Variants in INPP4B observed in about 807,000 individuals in gnomAD.
INPP4B encodes the protein inositol polyphosphate 4-phosphatase type II.
Under a neutral mutation model 122.5 loss-of-function variants are expected in INPP4B, and 55 were observed. The ratio of observed to expected loss-of-function variants is 0.45; its 90% CI spans 0.36 to 0.56. The LOEUF (loss-of-function observed/expected upper bound fraction) is 0.56, where lower values mean the gene tolerates loss of function less well. Among genes scored for constraint, INPP4B ranks in the 20% least tolerant of loss-of-function variants. INPP4B has a pLI of 0.00. For synonymous variants in INPP4B, 403 were observed against 388.7 expected (o/e 1.04, Z -0.43); for missense variants, 1,000 against 1,097.7 (o/e 0.91, Z 1.26).
At chr4:142,608,099 G>T (rs575499711) in intron 2 of INPP4B, among the ~76,000 whole-genome samples, 406 of 152,090 alleles carry the variant, frequency 2.7e-3, no homozygotes, top group African/African-American at 9.1e-3. Context: ...TTGGTTTTTT[G>T]TTTTAAATAA....
chr4:142,575,659 G>A (rs1733676791), intron 2 of INPP4B, among the ~76,000 whole-genome samples: 3 of 152,024 alleles, frequency 2.0e-5, no homozygotes, highest in African/African-American at 7.2e-5. Context: ...CTTAGGACAG[G>A]GATGGCATAC....
chr4:142,193,971 C>T (rs2130686), intron 14 of INPP4B, among the ~76,000 whole-genome samples: 151,301 of 152,282 alleles, frequency 0.99, 75,168 homozygotes, highest in Middle Eastern at 1. Flanking sequence ...TGCTTTCTTG[C>T]TAAACTACAT....
chr4:142,545,725 GTATATACACATATATGTGTATA>G (rs1244393839), intron 2 of INPP4B, among the ~76,000 whole-genome samples: 1,695 of 113,844 alleles, frequency 0.015, 65 homozygotes, highest in African/African-American at 0.052. Context: ...GTATATGTGT[GTATATACACATATATGTGTATA>G]TATATACACA....
chr4:142,287,898 A>C (rs1405954577), intron 9 of INPP4B, among the ~76,000 whole-genome samples: 1 of 152,192 alleles, frequency 6.6e-6, no homozygotes, highest in East Asian at 1.9e-4. Context: ...TGGAAGTCTG[A>C]GCTCAGCAGA....
At chr4:142,036,356 A>G (rs1407298547) in intron 25 of INPP4B, among the ~76,000 whole-genome samples, 1 of 152,178 alleles carries the variant, frequency 6.6e-6, no homozygotes. Context: ...CAATCATCAT[A>G]GTATAAATAT....
At chr4:142,241,748 T>C (rs1272717448) in intron 11 of INPP4B, among the ~76,000 whole-genome samples, 3 of 152,150 alleles carry the variant, frequency 2.0e-5, no homozygotes, top group African/African-American at 7.2e-5. Flanking sequence ...TAAACAAAGG[T>C]ATGCTAGGAA....
chr4:142,086,104 T>G (rs2152545110), intron 24 of INPP4B, 40 bp downstream of exon 24: 1 of 1,298,040 alleles, frequency 7.7e-7, no homozygotes, highest in Non-Finnish European at 1.1e-6. Context: ...TTGCTGGTTA[T>G]GACATGGCAG....
At chr4:142,238,177 T>G (rs1037575003) in intron 11 of INPP4B, among the ~76,000 whole-genome samples, 166 bp from the exon 12 acceptor site, 2 of 152,048 alleles carry the variant, frequency 1.3e-5, no homozygotes, top group Non-Finnish European at 2.9e-5. Flanking sequence ...TCTAAGAATT[T>G]TATTTTGATT....
intron 14 of INPP4B, among the ~76,000 whole-genome samples, chr4:142,204,229 C>T (rs1445259250): frequency 2.0e-5 from 3 of 152,024 alleles, no homozygotes; most frequent in African/African-American, 7.2e-5. Context: ...ATCTGAACTC[C>T]AGTTTCAAAT....
chr4:142,804,325 C>T (rs1778401794), intron 1 of INPP4B, among the ~76,000 whole-genome samples: 1 of 152,264 alleles, frequency 6.6e-6, no homozygotes, highest in African/African-American at 2.4e-5. Context: ...TAATCTGGCA[C>T]CTGCTGCGTC....
intron 23 of INPP4B, among the ~76,000 whole-genome samples, chr4:142,102,071 CT>C (rs1216974130): frequency 6.6e-6 from 1 of 151,904 alleles, no homozygotes; most frequent in Non-Finnish European, 1.5e-5. Context: ...CAATGGAGTC[CT>C]TTTACTTTTT....
chr4:142,248,747 C>G (rs2150153446), intron 11 of INPP4B, among the ~76,000 whole-genome samples: 1 of 152,024 alleles, frequency 6.6e-6, no homozygotes, highest in East Asian at 1.9e-4. Context: ...GCTTGGTTCT[C>G]TTGAAATCTC....
At chr4:142,163,375 C>T (rs1046211912) in intron 16 of INPP4B, among the ~76,000 whole-genome samples, 3 of 151,826 alleles carry the variant, frequency 2.0e-5, no homozygotes, top group African/African-American at 2.4e-5. Flanking sequence ...CACTTAGGTG[C>T]CATCTGGGTC....
intron 12 of INPP4B, among the ~76,000 whole-genome samples, chr4:142,218,960 A>T (rs879850170): frequency 6.6e-6 from 1 of 152,238 alleles, no homozygotes; most frequent in Non-Finnish European, 1.5e-5. Flanking sequence ...CAGGTTTCAC[A>T]GTATATTCAG....
chr4:142,405,114 G>GGGGT, intron 6 of INPP4B, 92 bp downstream of exon 6: 2 of 686,916 alleles, frequency 2.9e-6, no homozygotes, highest in South Asian at 1.6e-5. Flanking sequence ...AGATGGGGCG[G>GGGGT]GGGTGGGGGG....
rs139178942 is a variant in INPP4B at position 142,478,528 on chromosome 4, G to C, written c.-190-15802C>G. ...CTGAATTTTATTGAAAGCATTTTCTGCATCTATTGAGATAATCATGTGGTT... is the reference window on the plus strand; with the variant it reads ...CTGAATTTTATTGAAAGCATTTTCTCCATCTATTGAGATAATCATGTGGTT... On this transcript the variant is annotated intron_variant, in intron 2 of 25. Coordinates refer to ENST00000262992, the MANE Select transcript of INPP4B (RefSeq NM_001101669.3). Among the ~76,000 whole-genome samples, 340 of 152,204 alleles carry C rather than the reference G, an allele frequency of 2.2e-3. 2 individuals carry two copies. The highest frequency in any genetic ancestry group is 7.7e-3 in the African/African-American group (318 of 41,550).
At chr4:142,687,327 C>T (rs1416642510) in intron 2 of INPP4B, among the ~76,000 whole-genome samples, 1 of 151,782 alleles carries the variant, frequency 6.6e-6, no homozygotes, top group Non-Finnish European at 1.5e-5. Flanking sequence ...AGCTCCAATA[C>T]CAAAGCCCAA....
At chr4:142,364,291 C>T (rs747320524) in intron 7 of INPP4B, among the ~76,000 whole-genome samples, 11 of 151,888 alleles carry the variant, frequency 7.2e-5, no homozygotes, top group Admixed American at 1.3e-4. Flanking sequence ...GAATTAATGT[C>T]ATTCTAGCCT....
intron 7 of INPP4B, among the ~76,000 whole-genome samples, chr4:142,390,489 C>T (rs1029817368): frequency 6.6e-6 from 1 of 152,030 alleles, no homozygotes; most frequent in Non-Finnish European, 1.5e-5. Flanking sequence ...TGATAGGCTT[C>T]CCAAAATCAA....
Sources: gnomAD v4.1 joint callset for allele counts (sites outside exome capture counted in the v4.1 genomes callset) on GRCh38, gnomAD v4.1.1 for gene constraint, MANE v1.5 for transcripts, NCBI Gene and HGNC (gene_info 2026-07-23, HGNC 2026-07-21) for gene names.